Variants in ANO6 observed in about 807,000 individuals in gnomAD.
ANO6 encodes anoctamin 6.
A neutral mutation model predicts 117.5 loss-of-function variants in ANO6; 106 were observed. The ratio of observed to expected loss-of-function variants is 0.90; its 90% CI spans 0.77 to 1.06. ANO6 has a LOEUF of 1.06. ANO6 is among the 50% of genes least tolerant of loss of function. ANO6 has a pLI of 0.00. For missense variants in ANO6, 955 were observed against 1,121.1 expected (o/e 0.85, Z 2.12); for synonymous variants, 367 against 385.1 (o/e 0.95, Z 0.55).
chr12:45,238,380 A>G (rs1001365332), intron 1 of ANO6, among the ~76,000 whole-genome samples: 3 of 151,972 alleles, frequency 2.0e-5, no homozygotes, highest in East Asian at 1.9e-4. Context: ...CGAACTCCCA[A>G]CCTCAGGTGA....
At chr12:45,258,606 C>T (rs890814441) in intron 1 of ANO6, among the ~76,000 whole-genome samples, 2 of 152,148 alleles carry the variant, frequency 1.3e-5, no homozygotes, top group South Asian at 4.1e-4. Flanking sequence ...TGAATTACTG[C>T]CTTCCCTGTA....
At chr12:45,340,430 A>G (rs1940948479) in intron 3 of ANO6, among the ~76,000 whole-genome samples, 1 of 152,138 alleles carries the variant, frequency 6.6e-6, no homozygotes, top group African/African-American at 2.4e-5. Context: ...TAAAAAATAA[A>G]ATGTGGTTGC....
chr12:45,410,149 C>A (rs984436873), intron 16 of ANO6, among the ~76,000 whole-genome samples: 4 of 152,232 alleles, frequency 2.6e-5, no homozygotes, highest in African/African-American at 9.6e-5. Flanking sequence ...GGCCTGGAGT[C>A]CGTGCAGGCA....
intron 17 of ANO6, among the ~76,000 whole-genome samples, chr12:45,418,838 T>A (rs1321344055): frequency 6.6e-6 from 1 of 152,224 alleles, no homozygotes; most frequent in Non-Finnish European, 1.5e-5. Context: ...CTTATTAGAT[T>A]TGTGACATTG....
chr12:45,410,969 G>A (rs1374846911), intron 16 of ANO6, among the ~76,000 whole-genome samples: 1 of 152,142 alleles, frequency 6.6e-6, no homozygotes, highest in Non-Finnish European at 1.5e-5. Context: ...TTTATTAAGG[G>A]TGTAGCTGCA....
At chr12:45,298,139 T>C (rs1465348154) in intron 1 of ANO6, among the ~76,000 whole-genome samples, 1 of 152,210 alleles carries the variant, frequency 6.6e-6, no homozygotes, top group Non-Finnish European at 1.5e-5. Flanking sequence ...CTATTTTTTG[T>C]TTTCTAGTCA....
At chr12:45,256,938 G>C (rs538907744) in intron 1 of ANO6, among the ~76,000 whole-genome samples, 94 of 152,196 alleles carry the variant, frequency 6.2e-4, no homozygotes, top group African/African-American at 2.2e-3. Flanking sequence ...CATGTGGCTG[G>C]TGGATAAAGC....
At chr12:45,337,101 AGTGTGTTT>A (rs1257508884) in intron 3 of ANO6, among the ~76,000 whole-genome samples, 1 of 152,116 alleles carries the variant, frequency 6.6e-6, no homozygotes, top group African/African-American at 2.4e-5. Flanking sequence ...ACAGCTGTAG[AGTGTGTTT>A]GTGTTTTAAG....
chr12:45,432,264 T>A lies in ANO6; in HGVS notation c.*2953T>A, dbSNP rs1943651189. On this transcript the variant is annotated 3_prime_UTR_variant, in exon 20 of 20. Coordinates refer to ENST00000320560, the MANE Select transcript of ANO6 (RefSeq NM_001025356.3). ...TTAATTTCTGTGCATTTTAATATTC[T>A]TTTATAATTATTAATGTTAATTTCT... is the stretch of plus-strand genomic sequence containing the variant. 2 of 948,252 alleles carry A rather than the reference T, an allele frequency of 2.1e-6. No homozygotes were observed. Among genetic ancestry groups the A allele is most frequent in the Non-Finnish European group, 2.5e-6 (2 of 796,846 alleles). 58.7% of individuals were successfully genotyped at this position (948,252 alleles called of 1,614,324 possible). A position where few individuals can be genotyped will look rare whatever the true frequency, so the allele number is the denominator to read the frequency against.
At chr12:45,388,995 T>G (rs1183149519) in intron 11 of ANO6, among the ~76,000 whole-genome samples, 1 of 152,242 alleles carries the variant, frequency 6.6e-6, no homozygotes, top group Non-Finnish European at 1.5e-5. Context: ...TTCTTGCTTC[T>G]TTCCATCAAC....
At chr12:45,363,711 T>G (rs530842168) in intron 8 of ANO6, among the ~76,000 whole-genome samples, 1 of 152,198 alleles carries the variant, frequency 6.6e-6, no homozygotes, top group East Asian at 1.9e-4. Context: ...TGGGAGATAA[T>G]TGAATCATGT....
intron 7 of ANO6, among the ~76,000 whole-genome samples, chr12:45,354,565 T>C (rs1183442828): frequency 2.0e-5 from 3 of 151,818 alleles, no homozygotes; most frequent in African/African-American, 7.3e-5. Context: ...TCAGTCAAGG[T>C]TGGAGGAGGT....
Position 45,293,701 on chromosome 12 carries a change from C to T in ANO6, c.71-8313C>T, listed in dbSNP as rs546757098. 4.2e-5 allele frequency among the ~76,000 whole-genome samples: 6 copies of T among 144,142 alleles called. No homozygotes were observed. The East Asian group carries it at 1.0e-3, about 24-fold the overall frequency. 94.6% of individuals were successfully genotyped at this position (144,142 alleles called of 152,430 possible). ...TCAGCCTCCTGAGTAGCTGGGACTACAGGTGCCTGCCACCATGCCTGGCTA... is the reference window on the plus strand; with the variant it reads ...TCAGCCTCCTGAGTAGCTGGGACTATAGGTGCCTGCCACCATGCCTGGCTA... On this transcript the variant is annotated intron_variant, in intron 1 of 19. Transcript: ENST00000320560.
intron 1 of ANO6, chr12:45,293,105 A>C (rs547113124): frequency 1.8e-6 from 1 of 566,290 alleles, no homozygotes; most frequent in African/African-American, 2.0e-5. Flanking sequence ...GGTGCAGTGC[A>C]ATATGGTTCT....
chr12:45,263,194 A>G (rs1938099698), intron 1 of ANO6, among the ~76,000 whole-genome samples: 1 of 151,928 alleles, frequency 6.6e-6, no homozygotes, highest in Non-Finnish European at 1.5e-5. Flanking sequence ...GCATTCTAAC[A>G]GGGGCCGGTA....
chr12:45,241,801 A>G (rs564917342), intron 1 of ANO6, among the ~76,000 whole-genome samples: 1 of 152,358 alleles, frequency 6.6e-6, no homozygotes, highest in Admixed American at 6.5e-5. Context: ...TCCTTCTAAC[A>G]GGTCCCTTAG....
At chr12:45,375,878 T>A (rs1349200623) in intron 9 of ANO6, among the ~76,000 whole-genome samples, 1 of 148,254 alleles carries the variant, frequency 6.7e-6, no homozygotes, top group Non-Finnish European at 1.5e-5. Context: ...ACTAAAGGGC[T>A]TCTGCACAGC....
chr12:45,279,409 T>C (rs904382280), intron 1 of ANO6, among the ~76,000 whole-genome samples: 3 of 152,242 alleles, frequency 2.0e-5, no homozygotes, highest in African/African-American at 7.2e-5. Flanking sequence ...CTATTTTCTT[T>C]GTCTTTATTG....
At chr12:45,263,881 T>C (rs1438357612) in intron 1 of ANO6, among the ~76,000 whole-genome samples, 1 of 152,222 alleles carries the variant, frequency 6.6e-6, no homozygotes, top group Non-Finnish European at 1.5e-5. Flanking sequence ...AATTTCATTC[T>C]TGTGAACTTC....
Sources: allele counts gnomAD v4.1 joint callset (sites outside exome capture counted in the v4.1 genomes callset), GRCh38; gene constraint gnomAD v4.1.1; transcripts MANE v1.5; gene names NCBI Gene and HGNC (gene_info 2026-07-23, HGNC 2026-07-21).